Variants in STK3 observed in about 807,000 individuals in gnomAD.
STK3 encodes serine/threonine-protein kinase 3.
STK3 carries 41 observed loss-of-function variants against 58.0 expected under a neutral mutation model. The ratio of observed to expected loss-of-function variants is 0.71; its 90% CI spans 0.55 to 0.92. STK3 has a LOEUF of 0.92. Ranked by LOEUF, STK3 falls within the 40% of genes least tolerant of loss-of-function variation. The pLI, the probability that STK3 is intolerant of heterozygous loss-of-function variation, is 0.00. For synonymous variants in STK3, 170 were observed against 191.0 expected, an observed-to-expected ratio of 0.89 and a Z score of 0.91; for missense variants, 479 against 602.7, an observed-to-expected ratio of 0.79 and a Z score of 2.15.
chr8:98,569,219 T>G (rs1812755497), intron 8 of STK3, among the ~76,000 whole-genome samples: 1 of 151,764 alleles, frequency 6.6e-6, no homozygotes, highest in Non-Finnish European at 1.5e-5. Flanking sequence ...AAATGTACAA[T>G]AAAGACACGG....
intron 9 of STK3, among the ~76,000 whole-genome samples, chr8:98,528,648 G>A (rs886707936): frequency 5.3e-5 from 8 of 152,028 alleles, no homozygotes; most frequent in African/African-American, 1.2e-4. Flanking sequence ...CACCATGCCC[G>A]GCTAATTTTG....
At chr8:98,697,714 T>C (rs774451635) in intron 6 of STK3, among the ~76,000 whole-genome samples, 1 of 152,206 alleles carries the variant, frequency 6.6e-6, no homozygotes, top group Admixed American at 6.5e-5. Flanking sequence ...TGCACTGTAG[T>C]TTGAGAGACA....
rs1019198730 is a variant in STK3, at chr8:98,800,848, G to GC, written c.26+24666dup. Among the ~76,000 whole-genome samples the GC allele has an allele frequency of 6.6e-6, 1 of 152,202 alleles. No homozygotes were observed. The highest frequency in any genetic ancestry group is 1.9e-4 in the East Asian group (1 of 5,190). The stretch of plus-strand genomic sequence containing the variant: ...CACAGGGCAGGGCTCAGGACCTGCA[G>GC]CCCCCCATGCCAGAGCCCCCCCCAC... On this transcript the variant is annotated intron_variant, in intron 1 of 10. Transcript: ENST00000419617. This position sits in a 1 kb window ranked among gnomAD's most constrained non-coding sequence, Gnocchi z 4.8.
At chr8:98,613,141 G>C (rs1449246776) in intron 6 of STK3, among the ~76,000 whole-genome samples, 1 of 152,228 alleles carries the variant, frequency 6.6e-6, no homozygotes, top group Non-Finnish European at 1.5e-5. Flanking sequence ...CCTGCTACTT[G>C]AGTAGGGCAA....
At chr8:98,915,156 T>G (rs762913666) in intron 1 of STK3, among the ~76,000 whole-genome samples, 2 of 151,930 alleles carry the variant, frequency 1.3e-5, no homozygotes, top group Non-Finnish European at 1.5e-5. Context: ...CCAAAGGAGA[T>G]AAACATTTGA....
At chr8:98,826,225 T>G (rs1472962720), upstream of STK3, among the ~76,000 whole-genome samples, 4 of 152,236 alleles carry the variant, frequency 2.6e-5, no homozygotes, top group Non-Finnish European at 5.9e-5. Flanking sequence ...TAACATCGTG[T>G]GAATCCGTTT....
intron 3 of STK3, among the ~76,000 whole-genome samples, chr8:98,419,013 A>G (rs111842427): frequency 6.6e-6 from 1 of 152,196 alleles, no homozygotes; most frequent in African/African-American, 2.4e-5. Flanking sequence ...TCCTGCCACC[A>G]ACGGCATGTA....
intron 10 of STK3, among the ~76,000 whole-genome samples, chr8:98,472,828 A>G (rs1350573547): frequency 6.6e-6 from 1 of 152,142 alleles, no homozygotes; most frequent in African/African-American, 2.4e-5. Flanking sequence ...AGTAATTACT[A>G]TTGTTGAACT....
intron 4 of STK3, among the ~76,000 whole-genome samples, chr8:98,710,921 G>A (rs960899828): frequency 4.6e-5 from 7 of 152,158 alleles, no homozygotes; most frequent in East Asian, 1.9e-4. Context: ...CACACAGCCC[G>A]GTACTCCTCT....
chr8:98,394,042 A>C (rs1188731168), intron 3 of STK3, among the ~76,000 whole-genome samples: 1 of 152,170 alleles, frequency 6.6e-6, no homozygotes, highest in African/African-American at 2.4e-5. Context: ...CAGTCAATGG[A>C]TAGAGACAGG....
intron 1 of STK3, among the ~76,000 whole-genome samples, chr8:98,889,408 T>C (rs1233860369): frequency 2.6e-5 from 4 of 152,146 alleles, no homozygotes. Flanking sequence ...AGCACTCCTA[T>C]AACAAATAAA....
At chr8:98,349,816 G>A in the STK3 span, among the ~76,000 whole-genome samples, 2 of 152,142 alleles carry the variant, frequency 1.3e-5, no homozygotes, top group Non-Finnish European at 2.9e-5. Context: ...GGGACACAGG[G>A]CACCAAATCC....
At chr8:98,874,172 C>G (rs774615651) in intron 3 of STK3, among the ~76,000 whole-genome samples, 1 of 152,174 alleles carries the variant, frequency 6.6e-6, no homozygotes, top group African/African-American at 2.4e-5. Flanking sequence ...ATATTGGCCC[C>G]CACTCTCTTC....
intron 8 of STK3, among the ~76,000 whole-genome samples, chr8:98,563,729 T>A (rs1812249287): frequency 6.6e-6 from 1 of 150,948 alleles, no homozygotes; most frequent in Non-Finnish European, 1.5e-5. Flanking sequence ...GACAAAGGAG[T>A]CAAAACAAAA....
At chr8:98,727,809 T>C (rs1206353799) in intron 4 of STK3, among the ~76,000 whole-genome samples, 2 of 152,234 alleles carry the variant, frequency 1.3e-5, no homozygotes, top group Non-Finnish European at 2.9e-5. Flanking sequence ...TTTGTCATTG[T>C]ATTCATTTGC....
chr8:98,767,574 G>T (rs1831028678), intron 2 of STK3, among the ~76,000 whole-genome samples: 2 of 152,184 alleles, frequency 1.3e-5, no homozygotes, highest in South Asian at 4.1e-4. Flanking sequence ...ACTTAAAATA[G>T]TCAAGTTAAC....
chr8:98,581,558 T>C (rs1319681999), intron 7 of STK3, among the ~76,000 whole-genome samples: 1 of 151,630 alleles, frequency 6.6e-6, no homozygotes, highest in Non-Finnish European at 1.5e-5. Flanking sequence ...GTGACCGGGG[T>C]AGGCCATAGT....
At position 98,749,318 on chromosome 8, in the gene STK3, G is replaced by T. The variant is rs373807046; in HGVS notation, c.309C>A (p.Gly103=). Residue 103 remains glycine (G), a synonymous_variant, in exon 4 of 11, where the codon GGC becomes GGA. Transcript: ENST00000419617. ...TDLWIVMEYC[G]AGSVSDIIRL... ...TAATTATGTCTGAGACAGAGCCAGC[G>T]CCACAGTACTCCATAACAATCCAGA... The T allele has an allele frequency of 2.5e-6, 4 of 1,608,764 alleles. No individual in the cohort carries two copies. The highest frequency in any genetic ancestry group is 2.5e-6 in the Non-Finnish European group (3 of 1,176,854).
chr8:98,359,341 A>T, the STK3 span, among the ~76,000 whole-genome samples: 11,716 of 116,494 alleles, frequency 0.1, 667 homozygotes, highest in East Asian at 0.19. Flanking sequence ...AACCCATCTC[A>T]ACTAAAAAAA....
Sources: gnomAD v4.1 joint callset for allele counts (sites outside exome capture counted in the v4.1 genomes callset) on GRCh38, gnomAD v4.1.1 for gene constraint, Gnocchi (gnomAD v3.1) non-coding constraint, MANE v1.5 for transcripts, NCBI Gene and HGNC (gene_info 2026-07-23, HGNC 2026-07-21) for gene names.